The following KRIT1 variants were observed in gnomAD, a reference collection of about 807,000 sequenced individuals.
KRIT1 encodes KRIT1 ankyrin repeat containing.
KRIT1 carries 45 observed loss-of-function variants against 95.8 expected under a neutral mutation model. That is an observed-to-expected ratio of 0.47 (90% CI 0.37 to 0.60). The LOEUF (loss-of-function observed/expected upper bound fraction) is 0.60, where lower values mean the gene tolerates loss of function less well. Among genes scored for constraint, KRIT1 ranks in the 20% least tolerant of loss-of-function variants. The pLI, the probability that KRIT1 is intolerant of heterozygous loss-of-function variation, is 0.00. For synonymous variants in KRIT1, 282 were observed against 278.8 expected, an observed-to-expected ratio of 1.01 and a Z score of -0.11; for missense variants, 788 against 877.5, an observed-to-expected ratio of 0.90 and a Z score of 1.29.
At chr7:92,220,719 G>A (rs1794964911) in intron 14 of KRIT1, among the ~76,000 whole-genome samples, 1 of 123,014 alleles carries the variant, frequency 8.1e-6, no homozygotes, top group South Asian at 2.6e-4. Context: ...TTTTGAGATG[G>A]AATCTCATTC....
At chr7:92,220,688 CTTTTTTTTTT>C (rs960417752) in intron 14 of KRIT1, among the ~76,000 whole-genome samples, 1 of 98,958 alleles carries the variant, frequency 1.0e-5, no homozygotes, top group Admixed American at 1.3e-4. Flanking sequence ...ATTCATCCTT[CTTTTTTTTTT>C]TTTTTTTTTT....
At chr7:92,235,796 T>C (rs966192084) in intron 7 of KRIT1, 150 bp from the exon 8 acceptor site, 1 of 695,138 alleles carries the variant, frequency 1.4e-6, no homozygotes, top group East Asian at 3.0e-5. Flanking sequence ...ACTTTATTAT[T>C]TTTAAAATTT....
chr7:92,235,732 A>T, intron 7 of KRIT1, 86 bp from the exon 8 acceptor site: 1 of 1,208,266 alleles, frequency 8.3e-7, no homozygotes, highest in South Asian at 1.3e-5. Flanking sequence ...GATATATGAC[A>T]CTTGTGAATA....
chr7:92,222,426 T>C (rs1795320299), intron 13 of KRIT1, among the ~76,000 whole-genome samples: 1 of 152,236 alleles, frequency 6.6e-6, no homozygotes, highest in Admixed American at 6.5e-5. Flanking sequence ...AGAACAAATA[T>C]ATAGTCATTA....
At chr7:92,243,113 C>T (rs1050079001) in intron 3 of KRIT1, among the ~76,000 whole-genome samples, 3 of 152,296 alleles carry the variant, frequency 2.0e-5, no homozygotes, top group African/African-American at 7.2e-5. Context: ...AGCCACCACA[C>T]CTGTCAATAA....
At chr7:92,225,859 G>T in intron 11 of KRIT1, 32 bp from the exon 12 acceptor site, 1 of 1,102,384 alleles carries the variant, frequency 9.1e-7, no homozygotes, top group Non-Finnish European at 1.4e-6. Flanking sequence ...GGGAAAAAAG[G>T]CATTACATAT....
At chr7:92,236,154 A>G (rs1437972631) in intron 7 of KRIT1, 6 of 365,480 alleles carry the variant, frequency 1.6e-5, no homozygotes, top group Admixed American at 4.2e-5. Context: ...GTATAGTTTC[A>G]TAACAGGTAA....
rs545421511 is a variant in KRIT1 at position 92,238,597 on chromosome 7, A to T, written c.263-838T>A. On this transcript the variant is annotated intron_variant, in intron 5 of 18. Coordinates refer to ENST00000394505, the MANE Select transcript of KRIT1 (RefSeq NM_194454.3). ...GTGCTAGATACAGAACAACATTCTA[A>T]TATACTTCAGAGGCACTATTTCTTT... Among the ~76,000 whole-genome samples the T allele has an allele frequency of 3.3e-5, 5 of 152,348 alleles. No individual in the cohort carries two copies. In the South Asian group the frequency reaches 1.0e-3, roughly 32 times the overall value.
In KRIT1 at chr7:92,222,812, A is replaced by G; in HGVS notation, c.1411+10T>C. ...TGAGGTTTACTATAACATAATAAAA[A>G]CTTTCTTACTGAGGTTTTCTGAACA... On this transcript the variant is annotated intron_variant, in intron 13 of 18. Transcript: ENST00000394505. 1 of 1,560,000 alleles carries G rather than the reference A, an allele frequency of 6.4e-7. No homozygotes were observed. The highest frequency in any genetic ancestry group is 2.2e-5 in the East Asian group (1 of 44,582).
intron 17 of KRIT1, among the ~76,000 whole-genome samples, chr7:92,203,437 C>T (rs1160957028): frequency 6.6e-6 from 1 of 152,160 alleles, no homozygotes; most frequent in Non-Finnish European, 1.5e-5. Context: ...AATACCTTTA[C>T]TCTTTGGTTC....
rs571563061 is a variant in KRIT1 at position 92,245,894 on chromosome 7, C to A, written c.-525G>T. 2.1e-3 allele frequency: 481 copies of A among 234,302 alleles called. 1 individual carries two copies. Among genetic ancestry groups the A allele is most frequent in the Middle Eastern group, 6.3e-3 (4 of 630 alleles). The allele number at this position is 234,302 out of a possible 1,614,324, so 14.5% of individuals were successfully genotyped here. ...GGTCTTCAAAGGCCTTAGCTTTCCA[C>A]CCCGCCGTTACCGTGGCTATGAAAT... On this transcript the variant is annotated 5_prime_UTR_variant, in exon 1 of 19. Transcript: ENST00000394505.
At position 92,235,900 on chromosome 7, in the gene KRIT1, T is replaced by C. The variant is rs543936611; in HGVS notation, c.486-254A>G. 5.7e-4 allele frequency: 210 copies of C among 370,788 alleles called. 3 individuals are homozygous for C. In the South Asian group the frequency reaches 6.4e-3, roughly 11 times the overall value. The allele number at this position is 370,788 out of a possible 1,614,324, so 23.0% of individuals were successfully genotyped here. A position where few individuals can be genotyped will look rare whatever the true frequency, so the allele number is the denominator to read the frequency against. ...TGTGATAATATGTTCATATGATCTA[T>C]AAAGATCAAGTCAGTATACAAATAC... On this transcript the variant is annotated intron_variant, in intron 7 of 18. Transcript: ENST00000394505.
At chr7:92,221,785 C>G in intron 14 of KRIT1, 117 bp downstream of exon 14, 1 of 832,710 alleles carries the variant, frequency 1.2e-6, no homozygotes, top group Non-Finnish European at 1.9e-6. Flanking sequence ...CCAATTATCA[C>G]AGGGATGTAA....
At chr7:92,230,253 G>A (rs995603869) in intron 10 of KRIT1, among the ~76,000 whole-genome samples, 1 of 152,056 alleles carries the variant, frequency 6.6e-6, no homozygotes, top group Non-Finnish European at 1.5e-5. Context: ...AACGTCTCAT[G>A]GTGACTAGCC....
intron 14 of KRIT1, among the ~76,000 whole-genome samples, chr7:92,215,793 T>C (rs1793845785): frequency 6.6e-6 from 1 of 151,600 alleles, no homozygotes. Context: ...ATAAAGTTTA[T>C]CCAATAAGAT....
chr7:92,208,192 G>C (rs921377040), intron 17 of KRIT1, among the ~76,000 whole-genome samples: 1 of 151,904 alleles, frequency 6.6e-6, no homozygotes, highest in Non-Finnish European at 1.5e-5. Flanking sequence ...CAAAACCTAA[G>C]GGATGTAGCA....
At position 92,242,269 on chromosome 7, in the gene KRIT1, AT is replaced by A. The variant is rs1352446727; in HGVS notation, c.-2-133del. On this transcript the variant is annotated intron_variant, in intron 3 of 18. Coordinates refer to ENST00000394505, the MANE Select transcript of KRIT1 (RefSeq NM_194454.3). ...ATCATGTCGAAAAAATTAAAAAAAA[AT>A]AAAATGTTCTCTATCCTAGAATATA... The A allele has an allele frequency of 6.8e-5, 45 of 663,922 alleles. No homozygotes were observed. The African/African-American group carries it at 7.5e-4, about 11-fold the overall frequency. The allele number at this position is 663,922 out of a possible 1,614,324, so 41.1% of individuals were successfully genotyped here. A position where few individuals can be genotyped will look rare whatever the true frequency, so the allele number is the denominator to read the frequency against.
intron 17 of KRIT1, among the ~76,000 whole-genome samples, chr7:92,202,924 GATATC>G (rs905514287): frequency 6.6e-6 from 1 of 152,134 alleles, no homozygotes; most frequent in Non-Finnish European, 1.5e-5. Flanking sequence ...ACAGAGTCAA[GATATC>G]ATACTACCTT....
chr7:92,211,686 T>C (rs953149259), intron 17 of KRIT1, among the ~76,000 whole-genome samples: 4 of 152,198 alleles, frequency 2.6e-5, no homozygotes, highest in Non-Finnish European at 5.9e-5. Flanking sequence ...AAAGAAATGA[T>C]AAATATTTAA....
Sources: gnomAD v4.1 joint callset for allele counts (sites outside exome capture counted in the v4.1 genomes callset) on GRCh38, gnomAD v4.1.1 for gene constraint, MANE v1.5 for transcripts, NCBI Gene and HGNC (gene_info 2026-07-23, HGNC 2026-07-21) for gene names.